THEMIS: variants seen among roughly 807,000 people sequenced by gnomAD.
THEMIS encodes protein THEMIS.
THEMIS carries 37 observed loss-of-function variants against 52.6 expected under a neutral mutation model. The ratio of observed to expected loss-of-function variants is 0.70; its 90% CI spans 0.54 to 0.93. The LOEUF (loss-of-function observed/expected upper bound fraction) is 0.93, where lower values mean the gene tolerates loss of function less well. Ranked by LOEUF, THEMIS falls within the 40% of genes least tolerant of loss-of-function variation. The pLI is 0.00. For missense variants in THEMIS, 808 were observed against 763.1 expected (o/e 1.06, Z -0.69); for synonymous variants, 292 against 272.7 (o/e 1.07, Z -0.70).
chr6:127,843,274 T>C (rs1779110805), intron 2 of THEMIS, among the ~76,000 whole-genome samples: 1 of 151,680 alleles, frequency 6.6e-6, no homozygotes, highest in Non-Finnish European at 1.5e-5. Context: ...AAATATCACC[T>C]CTTTTTTTTT....
intron 3 of THEMIS, among the ~76,000 whole-genome samples, chr6:127,828,194 A>C (rs1778573708): frequency 6.6e-6 from 1 of 152,190 alleles, no homozygotes; most frequent in African/African-American, 2.4e-5. Context: ...GTTTACCCTC[A>C]TTTGTAACTA....
At chr6:127,814,319 T>C (rs1352699325) in intron 3 of THEMIS, among the ~76,000 whole-genome samples, 3 of 152,216 alleles carry the variant, frequency 2.0e-5, no homozygotes, top group Admixed American at 6.5e-5. Flanking sequence ...TGTGAATATG[T>C]ATGTAAATGT....
At chr6:127,851,260 AT>A (rs1470019079) in intron 2 of THEMIS, among the ~76,000 whole-genome samples, 1 of 151,424 alleles carries the variant, frequency 6.6e-6, no homozygotes, top group Non-Finnish European at 1.5e-5. Context: ...AACTTTCAAA[AT>A]TTGATGAAAA....
At chr6:127,911,588 T>C (rs1781412188) in intron 1 of THEMIS, among the ~76,000 whole-genome samples, 1 of 151,484 alleles carries the variant, frequency 6.6e-6, no homozygotes, top group Non-Finnish European at 1.5e-5. Context: ...TGTATTTACA[T>C]AAGAATGTAA....
In THEMIS at chr6:127,871,824, G is replaced by T. The variant is rs1780166122; in HGVS notation, c.92-16636C>A. ...TTCATATTATAAAACTCCCAAAAAA[G>T]AAATCTCCAGGCCCTGATTGTTTCA... On this transcript the variant is annotated intron_variant, in intron 1 of 5. Coordinates refer to ENST00000368248, the MANE Select transcript of THEMIS (RefSeq NM_001010923.3). 2.6e-5 allele frequency among the ~76,000 whole-genome samples: 4 copies of T among 151,962 alleles called. No homozygotes were observed. The South Asian group carries it at 8.3e-4, about 31-fold the overall frequency.
chr6:127,741,110 C>A (rs1245811192), intron 4 of THEMIS, among the ~76,000 whole-genome samples: 1 of 152,134 alleles, frequency 6.6e-6, no homozygotes, highest in African/African-American at 2.4e-5. Context: ...AACATAGTAT[C>A]CAACTTTACT....
intron 4 of THEMIS, among the ~76,000 whole-genome samples, chr6:127,749,499 T>C (rs1208043582): frequency 3.3e-5 from 5 of 152,008 alleles, no homozygotes; most frequent in Non-Finnish European, 7.4e-5. Context: ...TTCTATCACA[T>C]TTTCATTTCT....
intron 2 of THEMIS, among the ~76,000 whole-genome samples, chr6:127,848,168 G>A (rs948049295): frequency 2.4e-4 from 34 of 144,676 alleles, no homozygotes; most frequent in Admixed American, 1.2e-3. Context: ...ATGAGAACAT[G>A]CGGTGTTTGG....
intron 4 of THEMIS, among the ~76,000 whole-genome samples, chr6:127,752,689 C>G (rs1211970676): frequency 1.3e-5 from 2 of 151,608 alleles, no homozygotes; most frequent in East Asian, 3.8e-4. Context: ...TAATCAAAAC[C>G]TCTCAACAAA....
chr6:127,703,035 G>GTTTTTTTTTTTTTTT, the THEMIS span, among the ~76,000 whole-genome samples: 18 of 82,386 alleles, frequency 2.2e-4, 2 homozygotes, highest in East Asian at 1.2e-3. Flanking sequence ...TTTAGAATGA[G>GTTTTTTTTTTTTTTT]TTTTTTTTTT....
chr6:127,705,055 C>T (rs939345822), downstream of THEMIS, among the ~76,000 whole-genome samples: 39 of 152,156 alleles, frequency 2.6e-4, no homozygotes, highest in African/African-American at 8.0e-4. Context: ...AAATGGCCTG[C>T]AATCAAGATA....
At chr6:127,833,140 T>TA (rs369010013) in intron 2 of THEMIS, among the ~76,000 whole-genome samples, 48 of 151,634 alleles carry the variant, frequency 3.2e-4, no homozygotes, top group African/African-American at 8.9e-4. Context: ...CATTGTTCAT[T>TA]AAAAAAAACA....
At chr6:127,755,005 A>T (rs1775772833) in intron 4 of THEMIS, among the ~76,000 whole-genome samples, 1 of 151,432 alleles carries the variant, frequency 6.6e-6, no homozygotes, top group Admixed American at 6.6e-5. Flanking sequence ...GCTCCGTCAC[A>T]TTCATTCTTT....
At chr6:127,819,167 C>T (rs1258033410) in intron 3 of THEMIS, among the ~76,000 whole-genome samples, 1 of 80,484 alleles carries the variant, frequency 1.2e-5, no homozygotes, top group East Asian at 3.3e-4. Context: ...ATTAAAAACA[C>T]AGAAACAGAA....
At chr6:127,804,603 A>G (rs1281663498) in intron 4 of THEMIS, among the ~76,000 whole-genome samples, 3 of 152,202 alleles carry the variant, frequency 2.0e-5, no homozygotes, top group Admixed American at 2.0e-4. Flanking sequence ...AAGATGTCTG[A>G]CAACATTGTG....
At chr6:127,793,293 G>C (rs1444244975) in intron 4 of THEMIS, among the ~76,000 whole-genome samples, 7 of 152,164 alleles carry the variant, frequency 4.6e-5, no homozygotes, top group African/African-American at 1.7e-4. Context: ...AAAACTTTAA[G>C]ATCAAATGGA....
chr6:127,785,477 TTA>T (rs1491400779), intron 4 of THEMIS, among the ~76,000 whole-genome samples: 3 of 144,828 alleles, frequency 2.1e-5, no homozygotes, highest in African/African-American at 7.8e-5. Context: ...ATAATAAAAT[TTA>T]AAAAAAAAAA....
At chr6:127,750,815 A>C (rs1001857647) in intron 4 of THEMIS, among the ~76,000 whole-genome samples, 1 of 151,792 alleles carries the variant, frequency 6.6e-6, no homozygotes, top group Non-Finnish European at 1.5e-5. Context: ...AGGCCAGGAG[A>C]GTAAGATTAT....
In THEMIS at chr6:127,813,714, G is replaced by A. The variant is rs2114608991; in HGVS notation, c.927C>T (p.Ile309=). ...SILQPGKTIV[I]HKKYQASRIL... ...TTCTTGATGCCTGGTACTTTTTGTG[G>A]ATCACAATGGTTTTCCCAGGCTGTA... The change falls in exon 4 of 6, where the codon ATC becomes ATT. Residue 309 remains isoleucine (I), a synonymous_variant. Transcript: ENST00000368248. 1 of 1,613,846 alleles carries A rather than the reference G, an allele frequency of 6.2e-7. No individual in the cohort carries two copies. Among genetic ancestry groups the A allele is most frequent in the South Asian group, 1.1e-5 (1 of 91,032 alleles).
Sources: allele counts gnomAD v4.1 joint callset (sites outside exome capture counted in the v4.1 genomes callset), GRCh38; gene constraint gnomAD v4.1.1; transcripts MANE v1.5; gene names NCBI Gene and HGNC (gene_info 2026-07-23, HGNC 2026-07-21).